The following SLC2A14 variants were observed in gnomAD, a reference collection of about 807,000 sequenced individuals.
The protein encoded by SLC2A14 is solute carrier family 2, facilitated glucose transporter member 14.
Under a neutral mutation model 43.0 loss-of-function variants are expected in SLC2A14, and 13 were observed. The ratio of observed to expected loss-of-function variants is 0.30; its 90% CI spans 0.20 to 0.48. The LOEUF (loss-of-function observed/expected upper bound fraction) is 0.48. Ranked by LOEUF, SLC2A14 falls within the 20% of genes least tolerant of loss-of-function variation. The pLI, the probability that SLC2A14 is intolerant of heterozygous loss-of-function variation, is 0.99. For synonymous variants in SLC2A14, 190 were observed against 233.8 expected (o/e 0.81, Z 1.71); for missense variants, 428 against 620.4 (o/e 0.69, Z 3.29).
chr12:7,873,434 G>A (rs763807686), upstream of SLC2A14: 3 of 871,982 alleles, frequency 3.4e-6, no homozygotes, highest in East Asian at 3.6e-4. Flanking sequence ...TTGAGGTCAG[G>A]GGTTCGAGAC....
At chr12:7,889,626 C>G (rs1228895115) in intron 1 of SLC2A14, among the ~76,000 whole-genome samples, 1 of 151,414 alleles carries the variant, frequency 6.6e-6, no homozygotes, top group Admixed American at 6.6e-5. Flanking sequence ...ACCTCTGCCT[C>G]CCAGGTTCAA....
upstream of SLC2A14, among the ~76,000 whole-genome samples, chr12:7,874,772 CATATATAAATATATAAATATATAAATAAT>C (rs1356905045): frequency 5.1e-4 from 40 of 78,526 alleles, 6 homozygotes; most frequent in South Asian, 1.1e-3. Flanking sequence ...ACTATATAAA[CATATATAAATATATAAATATATAAATAAT>C]ATATAAATAC....
chr12:7,880,920 AT>A (rs1945558740), intron 1 of SLC2A14, among the ~76,000 whole-genome samples: 1 of 152,140 alleles, frequency 6.6e-6, no homozygotes, highest in East Asian at 1.9e-4. Context: ...CGGGTGGATC[AT>A]CTGAGGTCAA....
intron 1 of SLC2A14, among the ~76,000 whole-genome samples, chr12:7,885,695 A>G (rs1044961690): frequency 1.3e-5 from 2 of 152,042 alleles, no homozygotes; most frequent in Non-Finnish European, 2.9e-5. Flanking sequence ...AAACAAACAA[A>G]AATCAGAGAT....
At chr12:7,862,171 G>A (rs1349636769) in intron 2 of SLC2A14, among the ~76,000 whole-genome samples, 2 of 146,086 alleles carry the variant, frequency 1.4e-5, no homozygotes, top group African/African-American at 5.1e-5. Context: ...GGCTGAGGCA[G>A]CAGAATTGCT....
chr12:7,861,505 A>T (rs1944560188), intron 2 of SLC2A14, among the ~76,000 whole-genome samples: 1 of 152,072 alleles, frequency 6.6e-6, no homozygotes. Context: ...TTGTGTAAAG[A>T]AAAAATGTGC....
chr12:7,891,008 G>A lies in SLC2A14; in HGVS notation c.120C>T (p.Gly40=), dbSNP rs1009501312. The A allele has an allele frequency of 1.3e-5, 20 of 1,534,146 alleles. No individual in the cohort carries two copies. The African/African-American group carries it at 1.5e-4, about 12-fold the overall frequency. ...TAGTTCCACTTACCTCCTCCCCGAC[G>A]CCCCCATTCTGACTCTTCTCCAGAG... The change falls in exon 1 of 10, where the codon GGC becomes GGT. Residue 40 remains glycine, a synonymous_variant. Transcript: ENST00000539924.
At chr12:7,891,162 C>CAGCT (rs1371034287), upstream of SLC2A14, 5 of 1,525,578 alleles carry the variant, frequency 3.3e-6, no homozygotes, top group East Asian at 9.9e-5. Flanking sequence ...GGAGCAAAGC[C>CAGCT]AGCTGCTCCC....
At chr12:7,839,495 C>T (rs958667478) in intron 2 of SLC2A14, among the ~76,000 whole-genome samples, 5 of 152,082 alleles carry the variant, frequency 3.3e-5, no homozygotes, top group South Asian at 2.1e-4. Context: ...CAGTCATGAA[C>T]GTTCTGGTTT....
exon 1 of SLC2A14, chr12:7,891,112 G>C (rs973085109): frequency 6.5e-7 from 1 of 1,534,142 alleles, no homozygotes; most frequent in African/African-American, 1.4e-5. Flanking sequence ...ACTCTCAACA[G>C]TTGGAGTCTT....
chr12:7,842,940 C>G (rs1006625791), intron 2 of SLC2A14, among the ~76,000 whole-genome samples: 4 of 152,016 alleles, frequency 2.6e-5, no homozygotes, highest in Middle Eastern at 3.2e-3. Context: ...GTTGATCAGG[C>G]TGGTCTCGAA....
chr12:7,863,545 C>T (rs1944726224), intron 2 of SLC2A14: 2 of 379,402 alleles, frequency 5.3e-6, no homozygotes, highest in African/African-American at 4.2e-5. Context: ...GAGAATGAAC[C>T]CAGGACACAG....
chr12:7,845,747 C>G (rs1160651689), intron 2 of SLC2A14, among the ~76,000 whole-genome samples: 2 of 140,274 alleles, frequency 1.4e-5, no homozygotes, highest in African/African-American at 5.3e-5. Context: ...CCACTGCACT[C>G]CAGCCTGGGC....
At chr12:7,872,742 C>T in intron 1 of SLC2A14, 65 bp downstream of exon 1, 1 of 983,280 alleles carries the variant, frequency 1.0e-6, no homozygotes, top group Non-Finnish European at 1.2e-6. Context: ...GCTCGGCCAC[C>T]TCTACCCCAG....
At chr12:7,847,711 T>C (rs1249506383) in intron 2 of SLC2A14, among the ~76,000 whole-genome samples, 4 of 152,156 alleles carry the variant, frequency 2.6e-5, no homozygotes, top group South Asian at 2.1e-4. Flanking sequence ...CCCCTCATTC[T>C]TCCCCAGAGA....
chr12:7,874,594 C>G (rs1310814265), upstream of SLC2A14, among the ~76,000 whole-genome samples: 5 of 150,870 alleles, frequency 3.3e-5, no homozygotes, highest in East Asian at 7.8e-4. Flanking sequence ...ATTGCTTGAA[C>G]CCGGGAGGTG....
Position 7,827,658 on chromosome 12 carries a change from T to G in SLC2A14, c.701A>C (p.Gln234Pro). 6.2e-7 allele frequency: 1 copy of G among 1,611,648 alleles called. No individual in the cohort carries two copies. ...CTCCTGGATGTCTTGGGATACATCC[T>G]GGGTGCCCCACAACCGCTGGAGGAC... ...TRILQRLWGT[Q>P]DVSQDIQEMK... The change falls in exon 7 of 11, where the codon CAG (glutamine) becomes CCG (proline). Residue 234 changes from glutamine (Q) to proline (P), a missense_variant. Around this residue, in one of 4 missense-constraint regions of SLC2A14, gnomAD observed 185 missense variants for 275.4 expected, o/e 0.67. Coordinates refer to ENST00000431042, the MANE Select transcript of SLC2A14 (RefSeq NM_001286234.2).
rs1222376444 is a variant in SLC2A14 at position 7,872,831 on chromosome 12, G to A, written c.-82C>T. 14 of 985,396 alleles carry A rather than the reference G, an allele frequency of 1.4e-5. No individual in the cohort carries two copies. Among genetic ancestry groups the A allele is most frequent in the Non-Finnish European group, 1.7e-5 (14 of 830,054 alleles). The allele number at this position is 985,396 out of a possible 1,614,324, so 61.0% of individuals were successfully genotyped here. A position where few individuals can be genotyped will look rare whatever the true frequency, so the allele number is the denominator to read the frequency against. On this transcript the variant is annotated 5_prime_UTR_variant, in exon 1 of 11. Coordinates refer to ENST00000431042, the MANE Select transcript of SLC2A14 (RefSeq NM_001286234.2). ...CCTCCCAGACCCCGCGACTGCGGTT[G>A]GGCCCCGCGGCTTCGCTCAACCACG...
At position 7,871,091 on chromosome 12, in the gene SLC2A14, G is replaced by A. The variant is rs962282598; in HGVS notation, c.-57-1154C>T. ...CAGGGCATGATGAGCGAGGCCCCAG[G>A]GCCCATCAACTTCACCACTTCCCTC... On this transcript the variant is annotated intron_variant, in intron 1 of 10. Coordinates refer to ENST00000431042, the MANE Select transcript of SLC2A14 (RefSeq NM_001286234.2). The A allele has an allele frequency of 7.3e-6, 10 of 1,363,982 alleles. No homozygotes were observed. In the African/African-American group the frequency reaches 8.8e-5, roughly 12 times the overall value. 84.5% of individuals were successfully genotyped at this position (1,363,982 alleles called of 1,614,324 possible).
Sources: gnomAD v4.1 joint callset for allele counts (sites outside exome capture counted in the v4.1 genomes callset) on GRCh38, gnomAD v4.1.1 for gene constraint, gnomAD v4.1.1 regional missense constraint, MANE v1.5 for transcripts, NCBI Gene and HGNC (gene_info 2026-07-23, HGNC 2026-07-21) for gene names.